The following COP1 variants were observed in gnomAD, a reference collection of about 807,000 sequenced individuals.
The protein encoded by COP1 is COP1 E3 ubiquitin ligase.
A neutral mutation model predicts 101.3 loss-of-function variants in COP1; 24 were observed. The ratio of observed to expected loss-of-function variants is 0.24; its 90% confidence interval spans 0.17 to 0.33. The LOEUF (loss-of-function observed/expected upper bound fraction) is 0.33. Among genes scored for constraint, COP1 ranks in the 10% least tolerant of loss-of-function variants. The probability of loss-of-function intolerance (pLI) is 1.00; values close to 1 mark genes in which losing one functional copy is unlikely to be tolerated. For synonymous variants in COP1, 347 were observed against 341.9 expected, an observed-to-expected ratio of 1.01 and a Z score of -0.17; for missense variants, 663 against 906.2, an observed-to-expected ratio of 0.73 and a Z score of 3.45.
chr1:176,187,056 T>C (rs501142), intron 1 of COP1, among the ~76,000 whole-genome samples: 41,271 of 152,078 alleles, frequency 0.27, 6,717 homozygotes, highest in East Asian at 0.52. Context: ...TACCTAAAAA[T>C]TACTATCAAA....
rs147920190 is a variant in COP1 at position 176,099,462 on chromosome 1, A to C, written c.1027-13572T>G. 9.3e-3 allele frequency among the ~76,000 whole-genome samples: 1,408 copies of C among 152,068 alleles called. 24 individuals are homozygous for C. The highest frequency in any genetic ancestry group is 0.032 in the African/African-American group (1,338 of 41,464). On this transcript the variant is annotated intron_variant, in intron 9 of 19. Coordinates refer to ENST00000367669, the MANE Select transcript of COP1 (RefSeq NM_022457.7). Reference sequence around the variant, plus strand: ...TTGAACTATTTACAGTCTTTAATAAATGAGTATGGCACACTCCTGTGAAAA... The same window carrying C: ...TTGAACTATTTACAGTCTTTAATAACTGAGTATGGCACACTCCTGTGAAAA...
intron 18 of COP1, among the ~76,000 whole-genome samples, chr1:175,960,919 C>G (rs1221793978): frequency 1.3e-5 from 2 of 152,188 alleles, no homozygotes; most frequent in Non-Finnish European, 1.5e-5. Context: ...AGTCGGTTGA[C>G]TGAGTGGGGA....
At chr1:176,015,100 C>T (rs570349963) in intron 15 of COP1, among the ~76,000 whole-genome samples, 4 of 152,174 alleles carry the variant, frequency 2.6e-5, no homozygotes, top group South Asian at 2.1e-4. Context: ...AGAGTGTGCA[C>T]TGGCTGTGGT....
intron 10 of COP1, among the ~76,000 whole-genome samples, chr1:176,083,067 C>A (rs76847159): frequency 6.6e-6 from 1 of 152,132 alleles, no homozygotes; most frequent in Non-Finnish European, 1.5e-5. Flanking sequence ...GGAAATTCCA[C>A]GTATTATAAA....
chr1:175,968,441 C>T (rs374106628), intron 18 of COP1: 1 of 518,886 alleles, frequency 1.9e-6, no homozygotes, highest in African/African-American at 1.9e-5. Context: ...CTGTCCTAAG[C>T]CAGACAGAGA....
chr1:176,171,630 A>G (rs1198963271), intron 3 of COP1, among the ~76,000 whole-genome samples: 1 of 152,228 alleles, frequency 6.6e-6, no homozygotes, highest in East Asian at 1.9e-4. Context: ...AGCACATGGT[A>G]GTGGAAAAGT....
chr1:175,958,068 T>C (rs1027264993), intron 18 of COP1, among the ~76,000 whole-genome samples: 3 of 152,124 alleles, frequency 2.0e-5, no homozygotes, highest in Non-Finnish European at 2.9e-5. Context: ...TTTTGGGTGA[T>C]GAAAATGTTG....
At chr1:175,965,818 G>A (rs998165274) in intron 18 of COP1, among the ~76,000 whole-genome samples, 2 of 151,984 alleles carry the variant, frequency 1.3e-5, no homozygotes, top group Non-Finnish European at 2.9e-5. Context: ...TCCTGACCTC[G>A]TGACCCACCC....
chr1:176,156,101 GA>G (rs941319291), intron 5 of COP1, among the ~76,000 whole-genome samples: 7 of 150,020 alleles, frequency 4.7e-5, no homozygotes, highest in Non-Finnish European at 1.5e-5. Context: ...TTTTAAAAAA[GA>G]AAAAAAAAGT....
At chr1:176,185,053 G>T (rs113042603) in intron 1 of COP1, among the ~76,000 whole-genome samples, 1 of 152,028 alleles carries the variant, frequency 6.6e-6, no homozygotes, top group African/African-American at 2.4e-5. Flanking sequence ...ACTCAAAAGC[G>T]TGTACCGAGA....
chr1:176,113,480 C>T (rs1685637196), intron 9 of COP1, among the ~76,000 whole-genome samples: 1 of 152,124 alleles, frequency 6.6e-6, no homozygotes, highest in Non-Finnish European at 1.5e-5. Flanking sequence ...CATTTTCTCA[C>T]ATTCTGAAGG....
chr1:176,107,670 T>A (rs980912966), intron 9 of COP1, among the ~76,000 whole-genome samples: 2 of 152,140 alleles, frequency 1.3e-5, no homozygotes, highest in Non-Finnish European at 2.9e-5. Context: ...ATAAGTAAGA[T>A]ACAATGATAG....
At chr1:176,078,665 AGCTTCT>A (rs1678526738) in intron 11 of COP1, among the ~76,000 whole-genome samples, 1 of 152,022 alleles carries the variant, frequency 6.6e-6, no homozygotes, top group African/African-American at 2.4e-5. Flanking sequence ...TAAATTAAAG[AGCTTCT>A]GCATAGCAGA....
intron 8 of COP1, among the ~76,000 whole-genome samples, chr1:176,125,725 T>A (rs1013938546): frequency 6.6e-6 from 1 of 152,194 alleles, no homozygotes; most frequent in Non-Finnish European, 1.5e-5. Context: ...CGTGATTCCA[T>A]ATAAATTTTA....
At chr1:176,060,731 C>A (rs1674693995) in intron 11 of COP1, among the ~76,000 whole-genome samples, 1 of 152,044 alleles carries the variant, frequency 6.6e-6, no homozygotes, top group Admixed American at 6.6e-5. Context: ...CAAGGACTAA[C>A]GTGGAGCAAA....
chr1:176,067,708 C>T (rs570235814), intron 11 of COP1, among the ~76,000 whole-genome samples: 1 of 152,328 alleles, frequency 6.6e-6, no homozygotes, highest in African/African-American at 2.4e-5. Context: ...TACACCAAGA[C>T]AAGAACCCCA....
At chr1:176,043,641 T>C (rs902889269) in intron 13 of COP1, 69 bp downstream of exon 13, 14 of 884,690 alleles carry the variant, frequency 1.6e-5, no homozygotes, top group African/African-American at 1.2e-4. Context: ...ATAAGGCACA[T>C]GAAGTTCTAA....
At chr1:175,994,008 A>G (rs949433931) in intron 15 of COP1, among the ~76,000 whole-genome samples, 2 of 152,154 alleles carry the variant, frequency 1.3e-5, no homozygotes, top group Non-Finnish European at 2.9e-5. Context: ...GGTCGGGTTA[A>G]CCACAAAGGG....
At chr1:176,193,475 C>T (rs74863020) in intron 1 of COP1, among the ~76,000 whole-genome samples, 10,236 of 152,036 alleles carry the variant, frequency 0.067, 425 homozygotes, top group Middle Eastern at 0.12. Context: ...CAAATGTTCA[C>T]GGGAACATTA....
Sources: gnomAD v4.1 joint callset for allele counts (sites outside exome capture counted in the v4.1 genomes callset) on GRCh38, gnomAD v4.1.1 for gene constraint, MANE v1.5 for transcripts, NCBI Gene and HGNC (gene_info 2026-07-23, HGNC 2026-07-21) for gene names.